TMCC1: variants seen among roughly 807,000 people sequenced by gnomAD.
The protein encoded by TMCC1 is transmembrane and coiled-coil domain family 1, also known as transmembrane and coiled-coil domains protein 1.
A neutral mutation model predicts 52.4 loss-of-function variants in TMCC1; 15 were observed. The observed-to-expected ratio is 0.29, with a 90% CI of 0.19 to 0.44. The LOEUF is 0.44. Ranked by LOEUF, TMCC1 falls within the 20% of genes least tolerant of loss-of-function variation. The probability of loss-of-function intolerance (pLI) is 1.00; values close to 1 mark genes in which losing one functional copy is unlikely to be tolerated. For missense variants in TMCC1, 503 were observed against 806.0 expected (o/e 0.62, Z 4.55); for synonymous variants, 279 against 301.9 (o/e 0.92, Z 0.79).
intron 4 of TMCC1, among the ~76,000 whole-genome samples, chr3:129,676,057 A>AAAAAAAAC (rs1467848609): frequency 6.6e-6 from 1 of 151,054 alleles, no homozygotes; most frequent in African/African-American, 2.4e-5. Flanking sequence ...AAAAAAAAAA[A>AAAAAAAAC]AAAATTACAG....
intron 4 of TMCC1, among the ~76,000 whole-genome samples, chr3:129,704,784 A>T (rs1432139975): frequency 1.3e-5 from 2 of 152,154 alleles, no homozygotes; most frequent in African/African-American, 4.8e-5. Flanking sequence ...CTCCAACCTC[A>T]TATCAGGCTT....
At chr3:129,858,710 CA>C (rs1560563514) in intron 2 of TMCC1, among the ~76,000 whole-genome samples, 2 of 151,706 alleles carry the variant, frequency 1.3e-5, no homozygotes, top group African/African-American at 2.4e-5. Context: ...TACTCAGGAT[CA>C]AAAAAAATTT....
intron 4 of TMCC1, among the ~76,000 whole-genome samples, chr3:129,746,459 T>G (rs1392615729): frequency 6.6e-6 from 1 of 152,070 alleles, no homozygotes. Context: ...GATTACAGGT[T>G]TAGTTTTTTT....
At chr3:129,875,340 G>T (rs2061144342) in intron 2 of TMCC1, among the ~76,000 whole-genome samples, 1 of 151,300 alleles carries the variant, frequency 6.6e-6, no homozygotes, top group Non-Finnish European at 1.5e-5. Context: ...ATACGAAAAA[G>T]AATTAGCTGG....
rs573452990 is a variant in TMCC1, at chr3:129,656,101, G to A, written c.1512-998C>T. 2.0e-5 allele frequency among the ~76,000 whole-genome samples: 3 copies of A among 152,372 alleles called. No homozygotes were observed. The South Asian group carries it at 6.2e-4, about 32-fold the overall frequency. On this transcript the variant is annotated intron_variant, in intron 5 of 6. Coordinates refer to ENST00000393238, the MANE Select transcript of TMCC1 (RefSeq NM_001017395.5). ...CTACTGAGCAGAGGAGTCACATGAT[G>A]AATATGTGTTTTTAGGAAAACGAGT... is the stretch of plus-strand genomic sequence containing the variant.
At chr3:129,809,800 A>G (rs2057699062) in intron 4 of TMCC1, among the ~76,000 whole-genome samples, 1 of 152,246 alleles carries the variant, frequency 6.6e-6, no homozygotes, top group African/African-American at 2.4e-5. Flanking sequence ...CGGTTTCAGT[A>G]GTAGCCAATT....
chr3:129,881,980 C>A (rs1028803937), intron 1 of TMCC1, among the ~76,000 whole-genome samples: 3 of 151,898 alleles, frequency 2.0e-5, no homozygotes, highest in African/African-American at 7.3e-5. Flanking sequence ...AAGTATAAAC[C>A]CACAAACTCC....
At chr3:129,785,492 T>C (rs1011069115) in intron 4 of TMCC1, among the ~76,000 whole-genome samples, 2 of 152,154 alleles carry the variant, frequency 1.3e-5, no homozygotes, top group South Asian at 4.1e-4. Context: ...CAGATTCCAA[T>C]GGTGCCCAAA....
intron 4 of TMCC1, among the ~76,000 whole-genome samples, chr3:129,790,400 T>C (rs1472346216): frequency 2.0e-5 from 3 of 152,180 alleles, no homozygotes; most frequent in East Asian, 1.9e-4. Context: ...CCTACAGAGA[T>C]AGGGGTATGA....
At chr3:129,779,035 TCAAACAACC>T (rs2055294283) in intron 4 of TMCC1, among the ~76,000 whole-genome samples, 1 of 152,056 alleles carries the variant, frequency 6.6e-6, no homozygotes, top group East Asian at 1.9e-4. Context: ...GAACCTCACA[TCAAACAACC>T]GTATCTTGAT....
At chr3:129,834,738 G>A (rs1412861626) in intron 2 of TMCC1, among the ~76,000 whole-genome samples, 1 of 152,130 alleles carries the variant, frequency 6.6e-6, no homozygotes, top group African/African-American at 2.4e-5. Context: ...GGAAAGGAAT[G>A]AGCGCACAAA....
intron 4 of TMCC1, among the ~76,000 whole-genome samples, chr3:129,686,180 C>T (rs2089394010): frequency 6.6e-6 from 1 of 152,162 alleles, no homozygotes; most frequent in Non-Finnish European, 1.5e-5. Flanking sequence ...TAGCTTCCTA[C>T]AATTTTAGAA....
intron 5 of TMCC1, among the ~76,000 whole-genome samples, chr3:129,667,210 C>A (rs1382877871): frequency 7.1e-6 from 1 of 140,340 alleles, no homozygotes; most frequent in African/African-American, 2.7e-5. Flanking sequence ...GCCAGCAAGA[C>A]CCTGACTCTT....
At position 129,647,916 on chromosome 3, in the gene TMCC1, TAC is replaced by T. The variant is rs1246083308; in HGVS notation, c.*3563_*3564del. The T allele has an allele frequency of 6.5e-6, 1 of 152,690 alleles. No homozygotes were observed. The highest frequency in any genetic ancestry group is 2.4e-5 in the African/African-American group (1 of 41,478). The allele number at this position is 152,690 out of a possible 1,614,324, so 9.5% of individuals were successfully genotyped here. Reference sequence around the variant, plus strand: ...AATTAGCAGCTTAAGATCTATCAACTACAGTGTTAACGTTCACACGTTCACAA... The same window carrying T: ...AATTAGCAGCTTAAGATCTATCAACTAGTGTTAACGTTCACACGTTCACAA... On this transcript the variant is annotated 3_prime_UTR_variant, in exon 7 of 7. Transcript: ENST00000393238.
At chr3:129,876,726 G>A (rs768549297) in intron 2 of TMCC1, among the ~76,000 whole-genome samples, 39 of 152,074 alleles carry the variant, frequency 2.6e-4, no homozygotes, top group South Asian at 4.1e-4. Context: ...AGGCTGAGGC[G>A]GGAGGATCAC....
chr3:129,841,296 C>T (rs573503081), intron 2 of TMCC1, among the ~76,000 whole-genome samples: 3 of 152,312 alleles, frequency 2.0e-5, no homozygotes, highest in Admixed American at 1.3e-4. Context: ...TTTCTGAAAG[C>T]GTACTGTCAG....
chr3:129,647,799 C>A lies in TMCC1; in HGVS notation c.*3682G>T, dbSNP rs1344867546. The A allele has an allele frequency of 6.6e-6, 1 of 152,618 alleles. No individual in the cohort carries two copies. Among genetic ancestry groups the A allele is most frequent in the African/African-American group, 2.4e-5 (1 of 41,440 alleles). The allele number at this position is 152,618 out of a possible 1,614,324, so 9.5% of individuals were successfully genotyped here. A position where few individuals can be genotyped will look rare whatever the true frequency, so the allele number is the denominator to read the frequency against. ...ATGAGTCTGACCACCAGGTTAATAG[C>A]TGAGGTCTTTATTTCAATTTCTATA... On this transcript the variant is annotated 3_prime_UTR_variant, in exon 7 of 7. Coordinates refer to ENST00000393238, the MANE Select transcript of TMCC1 (RefSeq NM_001017395.5).
chr3:129,823,117 C>T (rs530077932), intron 4 of TMCC1, among the ~76,000 whole-genome samples: 6 of 152,016 alleles, frequency 3.9e-5, no homozygotes, highest in South Asian at 2.1e-4. Flanking sequence ...TTTGAGGTCA[C>T]GAGTTCAAGA....
intron 4 of TMCC1, among the ~76,000 whole-genome samples, chr3:129,815,397 A>ATGG (rs2107803183): frequency 6.6e-6 from 1 of 152,274 alleles, no homozygotes; most frequent in East Asian, 1.9e-4. Context: ...TACTGGCATA[A>ATGG]AAACACACAG....
Sources: allele counts gnomAD v4.1 joint callset (sites outside exome capture counted in the v4.1 genomes callset), GRCh38; gene constraint gnomAD v4.1.1; transcripts MANE v1.5; gene names NCBI Gene and HGNC (gene_info 2026-07-23, HGNC 2026-07-21).